JMJD1C: variants seen among roughly 807,000 people sequenced by gnomAD.
JMJD1C encodes jumonji domain-containing protein 1C.
In JMJD1C, 31 loss-of-function variants were observed where a neutral mutation model predicts 245.3. The ratio of observed to expected loss-of-function variants is 0.13; its 90% CI spans 0.09 to 0.17. The LOEUF is 0.17. JMJD1C is among the 10% of genes least tolerant of loss of function. JMJD1C has a pLI of 1.00. For missense variants in JMJD1C, 2,691 were observed against 3,000.2 expected (o/e 0.90, Z 2.41); for synonymous variants, 1,057 against 1,017.4 (o/e 1.04, Z -0.74).
chr10:63,211,263 G>A (rs567846819), intron 8 of JMJD1C, among the ~76,000 whole-genome samples: 42 of 152,088 alleles, frequency 2.8e-4, no homozygotes, highest in African/African-American at 9.4e-4. Context: ...TCAGGAGTTC[G>A]AGACCAGCCT....
At chr10:63,445,863 T>A (rs1951683700) in intron 1 of JMJD1C, among the ~76,000 whole-genome samples, 1 of 10,708 alleles carries the variant, frequency 9.3e-5, no homozygotes, top group African/African-American at 3.2e-4. Flanking sequence ...GGGATCTGAA[T>A]TTTTTTTTTT....
At chr10:63,404,515 A>G (rs569428745) in intron 1 of JMJD1C, among the ~76,000 whole-genome samples, 20 of 152,268 alleles carry the variant, frequency 1.3e-4, no homozygotes, top group East Asian at 1.2e-3. Flanking sequence ...GAGTAGCTGA[A>G]TAACTATAGC....
At chr10:63,197,345 T>G (rs563681589) in intron 13 of JMJD1C, 66 bp downstream of exon 13, 1 of 1,332,826 alleles carries the variant, frequency 7.5e-7, no homozygotes, top group Non-Finnish European at 1.0e-6. Context: ...ACATCTCATG[T>G]TCTAGAAGAG....
chr10:63,226,734 A>G (rs7896407), intron 3 of JMJD1C, among the ~76,000 whole-genome samples: 1,470 of 144,594 alleles, frequency 0.01, 28 homozygotes, highest in African/African-American at 0.036. Context: ...AAAAAAAAAA[A>G]AGAGAGAGAG....
In JMJD1C at chr10:63,234,493, T is replaced by TAAAAAAAAA. The variant is rs71025129; in HGVS notation, c.448-14519_448-14511dup. Among the ~76,000 whole-genome samples the TAAAAAAAAA allele has an allele frequency of 5.2e-3, 194 of 36,974 alleles. 1 individual carries two copies. The highest frequency in any genetic ancestry group is 8.8e-3 in the African/African-American group (78 of 8,890). 24.3% of individuals were successfully genotyped at this position (36,974 alleles called of 152,430 possible). ...TCATCAACAGAGAGAAACCTCCTCT[T>TAAAAAAAAA]AAAAAAAAAAAAAAAAAAAAAAAAA... is the stretch of plus-strand genomic sequence containing the variant. On this transcript the variant is annotated intron_variant, in intron 3 of 25. Transcript: ENST00000399262.
chr10:63,328,200 C>G (rs1475472079), intron 2 of JMJD1C, among the ~76,000 whole-genome samples: 3 of 151,494 alleles, frequency 2.0e-5, no homozygotes, highest in African/African-American at 7.3e-5. Flanking sequence ...ATTTGAACCC[C>G]GAAGTTGGAG....
At chr10:63,284,899 ACACACACATT>A (rs1171914018) in intron 2 of JMJD1C, among the ~76,000 whole-genome samples, 3 of 112,390 alleles carry the variant, frequency 2.7e-5, no homozygotes, top group South Asian at 3.0e-4. Context: ...ACACACACAC[ACACACACATT>A]CTCTCTACTC....
At chr10:63,436,473 T>C (rs1168267074) in intron 1 of JMJD1C, among the ~76,000 whole-genome samples, 2 of 152,148 alleles carry the variant, frequency 1.3e-5, no homozygotes, top group East Asian at 3.9e-4. Flanking sequence ...CTCTCATCTC[T>C]AAAAATCAGT....
intron 3 of JMJD1C, among the ~76,000 whole-genome samples, chr10:63,233,057 C>CA (rs1234246686): frequency 1.3e-5 from 2 of 152,126 alleles, no homozygotes; most frequent in Admixed American, 6.6e-5. Flanking sequence ...TATTCTCTCT[C>CA]AGTTAATTTT....
intron 2 of JMJD1C, among the ~76,000 whole-genome samples, chr10:63,305,492 CTCTG>C (rs1938014679): frequency 7.1e-6 from 1 of 141,020 alleles, no homozygotes; most frequent in African/African-American, 2.8e-5. Context: ...CTCTCTCTCT[CTCTG>C]GAGGCAAGGT....
chr10:63,518,098 G>C (rs1442834295), intron 1 of JMJD1C, among the ~76,000 whole-genome samples: 1 of 152,054 alleles, frequency 6.6e-6, no homozygotes, highest in Non-Finnish European at 1.5e-5. Flanking sequence ...CAGCATAATG[G>C]CCACTTATTT....
chr10:63,385,930 G>A (rs1947554929), intron 1 of JMJD1C, among the ~76,000 whole-genome samples: 2 of 152,058 alleles, frequency 1.3e-5, no homozygotes, highest in Admixed American at 1.3e-4. Context: ...TAACAAAAAT[G>A]TTCAGAGCAT....
intron 2 of JMJD1C, among the ~76,000 whole-genome samples, chr10:63,298,864 C>G (rs1035956797): frequency 8.6e-5 from 13 of 152,030 alleles, no homozygotes; most frequent in African/African-American, 2.7e-4. Context: ...TCCCGAATAG[C>G]TGAGAATACA....
chr10:63,318,325 C>T lies in JMJD1C; in HGVS notation c.334-53561G>A, dbSNP rs111816727. Among the ~76,000 whole-genome samples the T allele has an allele frequency of 3.3e-3, 501 of 152,282 alleles. 3 individuals carry two copies. Among genetic ancestry groups the T allele is most frequent in the African/African-American group, 0.011 (460 of 41,562 alleles). On this transcript the variant is annotated intron_variant, in intron 2 of 25. Coordinates refer to ENST00000399262, the MANE Select transcript of JMJD1C (RefSeq NM_032776.3). ...GATTACAAGTGTCAGCCACCACCCC[C>T]AGCTTGATCTTTTCTTTTCCCATGT...
chr10:63,279,618 A>G (rs937577169), intron 2 of JMJD1C, among the ~76,000 whole-genome samples: 3 of 152,172 alleles, frequency 2.0e-5, no homozygotes, highest in Non-Finnish European at 2.9e-5. Context: ...AAAATTTTTA[A>G]ATTAGCTGGG....
At chr10:63,511,296 T>C (rs1469020423) in intron 1 of JMJD1C, among the ~76,000 whole-genome samples, 1 of 152,254 alleles carries the variant, frequency 6.6e-6, no homozygotes, top group Non-Finnish European at 1.5e-5. Flanking sequence ...GAGCACATTA[T>C]ATGATTTCAT....
chr10:63,520,589 T>A (rs758789013), intron 1 of JMJD1C, among the ~76,000 whole-genome samples: 3 of 151,290 alleles, frequency 2.0e-5, no homozygotes, highest in Admixed American at 6.6e-5. Flanking sequence ...TAACCCAACC[T>A]CCAAAAAATA....
intron 24 of JMJD1C, among the ~76,000 whole-genome samples, chr10:63,169,430 G>A (rs1450001943): frequency 6.6e-6 from 1 of 152,122 alleles, no homozygotes. Context: ...CCTGGGAAAG[G>A]AGAAATAATT....
chr10:63,393,360 A>G (rs1366257829), intron 1 of JMJD1C, among the ~76,000 whole-genome samples: 1 of 152,192 alleles, frequency 6.6e-6, no homozygotes, highest in Non-Finnish European at 1.5e-5. Context: ...CGAGTGAGAA[A>G]GGCTACTATT....
Sources: allele counts gnomAD v4.1 joint callset (sites outside exome capture counted in the v4.1 genomes callset), GRCh38; gene constraint gnomAD v4.1.1; transcripts MANE v1.5; gene names NCBI Gene and HGNC (gene_info 2026-07-23, HGNC 2026-07-21).